FBXO34: variants seen among roughly 807,000 people sequenced by gnomAD.
The protein encoded by FBXO34 is F-box protein 34.
FBXO34 carries 12 observed loss-of-function variants against 24.5 expected under a neutral mutation model. The ratio of observed to expected loss-of-function variants is 0.49; its 90% CI spans 0.31 to 0.79. FBXO34 has a LOEUF of 0.79. Ranked by LOEUF, FBXO34 falls within the 30% of genes least tolerant of loss-of-function variation. FBXO34 has a pLI of 0.04. For missense variants in FBXO34, 823 were observed against 857.7 expected, an observed-to-expected ratio of 0.96 and a Z score of 0.51; for synonymous variants, 320 against 311.9, an observed-to-expected ratio of 1.03 and a Z score of -0.27.
At chr14:55,276,148 A>G (rs1881335605) in intron 1 of FBXO34, among the ~76,000 whole-genome samples, 1 of 152,214 alleles carries the variant, frequency 6.6e-6, no homozygotes. Flanking sequence ...ACTCTCAGGC[A>G]TGCATATACC....
exon 3 of FBXO34, chr14:55,367,614 G>C (rs1428453809): frequency 1.3e-5 from 2 of 152,176 alleles, no homozygotes; most frequent in Admixed American, 6.5e-5. Context: ...CATGATGGCA[G>C]GTGCCTATAA....
the FBXO34 span, among the ~76,000 whole-genome samples, chr14:55,421,468 T>G: frequency 6.6e-6 from 1 of 152,188 alleles, no homozygotes; most frequent in Non-Finnish European, 1.5e-5. Flanking sequence ...CACTTTGTTT[T>G]TAATTTTTTA....
intron 1 of FBXO34, chr14:55,272,216 T>C (rs1010741498): frequency 6.6e-6 from 1 of 152,120 alleles, no homozygotes; most frequent in African/African-American, 2.4e-5. Context: ...ACCCGCAGGG[T>C]AGAAAAAGGA....
chr14:55,280,323 C>G (rs1231969395), intron 1 of FBXO34, among the ~76,000 whole-genome samples: 1 of 152,072 alleles, frequency 6.6e-6, no homozygotes, highest in African/African-American at 2.4e-5. Context: ...CAACCAACCT[C>G]AGATGGAAAA....
At chr14:55,439,617 C>CCGCCCCCCG in the FBXO34 span, among the ~76,000 whole-genome samples, 4 of 72,628 alleles carry the variant, frequency 5.5e-5, 1 homozygote, top group African/African-American at 1.3e-4. Context: ...AAAGCAAACC[C>CCGCCCCCCG]CCCCCCGTCT....
Position 55,323,218 on chromosome 14 carries a change from A to AAAAT in FBXO34, c.-10-27162_-10-27161insAATA, listed in dbSNP as rs1566555819. On this transcript the variant is annotated intron_variant, in intron 1 of 1. Transcript: ENST00000313833. ...AAAAAAAAAAAAAAAAAAAAAAAAA[A>AAAAT]ATATATATTTTTTTTTTTTTTTTTT... is the stretch of plus-strand genomic sequence containing the variant. 1.7e-3 allele frequency among the ~76,000 whole-genome samples: 54 copies of AAAAT among 31,596 alleles called. 1 individual carries two copies. Among genetic ancestry groups the AAAAT allele is most frequent in the East Asian group, 3.6e-3 (3 of 824 alleles). The allele number at this position is 31,596 out of a possible 152,430, so 20.7% of individuals were successfully genotyped here. A position where few individuals can be genotyped will look rare whatever the true frequency, so the allele number is the denominator to read the frequency against.
the FBXO34 span, chr14:55,382,221 CAA>C: frequency 1.9e-6 from 3 of 1,607,124 alleles, no homozygotes; most frequent in South Asian, 1.1e-5. Context: ...CACGGATTTT[CAA>C]GAGAGAGGGT....
chr14:55,424,492 T>C, the FBXO34 span, among the ~76,000 whole-genome samples: 1 of 152,208 alleles, frequency 6.6e-6, no homozygotes, highest in South Asian at 2.1e-4. Context: ...CCTGGATGGT[T>C]ATTAGAAATC....
intron 1 of FBXO34, among the ~76,000 whole-genome samples, chr14:55,302,421 T>G (rs958316955): frequency 6.6e-6 from 1 of 151,940 alleles, no homozygotes; most frequent in Non-Finnish European, 1.5e-5. Context: ...AATAGCCTTG[T>G]TCTCATCAAG....
chr14:55,440,691 G>A, the FBXO34 span: 1 of 942,452 alleles, frequency 1.1e-6, no homozygotes, highest in East Asian at 2.9e-5. Flanking sequence ...GATGGGCTAG[G>A]GGTGGGCCGG....
downstream of FBXO34, chr14:55,366,291 A>G (rs938207190): frequency 9.2e-5 from 14 of 152,634 alleles, no homozygotes; most frequent in South Asian, 4.1e-4. Flanking sequence ...AACTTCTTCT[A>G]TAATTTGTAT....
chr14:55,428,682 C>G, the FBXO34 span: 2 of 1,044,906 alleles, frequency 1.9e-6, no homozygotes, highest in South Asian at 1.7e-5. Context: ...AATCTTTTCA[C>G]TATTGTGTCC....
At chr14:55,363,351 T>C (rs1057073482), downstream of FBXO34, among the ~76,000 whole-genome samples, 2 of 147,980 alleles carry the variant, frequency 1.4e-5, no homozygotes, top group African/African-American at 2.5e-5. Context: ...TTTTTTCAGA[T>C]AGAGTCTGCT....
chr14:55,361,406 G>A lies in FBXO34; in HGVS notation c.*589-327G>A, dbSNP rs555063736. Among the ~76,000 whole-genome samples, 5 of 152,312 alleles carry A rather than the reference G, an allele frequency of 3.3e-5. No individual in the cohort carries two copies. In the East Asian group the frequency reaches 5.8e-4, roughly 18 times the overall value. ...GATGTGTTGCTATGCAGGCTTTGTT[G>A]TTCCATTTACAGAGCACAGGAAGAG... On this transcript the variant is annotated intron_variant and NMD_transcript_variant, in intron 3 of 3. Transcript: ENST00000555280.
chr14:55,303,128 C>CTT (rs3084453), intron 1 of FBXO34, among the ~76,000 whole-genome samples: 1,702 of 147,804 alleles, frequency 0.012, 11 homozygotes, highest in Middle Eastern at 0.028. Flanking sequence ...CTTTACAGGC[C>CTT]TTTTTTTTTT....
chr14:55,385,882 G>C, the FBXO34 span: 1 of 1,611,832 alleles, frequency 6.2e-7, no homozygotes, highest in Admixed American at 1.7e-5. Context: ...TTACTTCCTC[G>C]ATTGGAAAAA....
chr14:55,300,647 A>C (rs1882320093), intron 1 of FBXO34, among the ~76,000 whole-genome samples: 1 of 152,160 alleles, frequency 6.6e-6, no homozygotes, highest in South Asian at 2.1e-4. Context: ...TCTGGATTTT[A>C]ATGATTACAT....
chr14:55,440,271 G>T, the FBXO34 span: 2 of 1,212,612 alleles, frequency 1.6e-6, no homozygotes, highest in Non-Finnish European at 2.3e-6. Flanking sequence ...TCAACTTAAT[G>T]ACTTGGGAAA....
chr14:55,359,764 AT>A (rs1446355546), intron 3 of FBXO34, among the ~76,000 whole-genome samples: 2 of 152,206 alleles, frequency 1.3e-5, no homozygotes, highest in East Asian at 3.9e-4. Flanking sequence ...CTCTGTTGTC[AT>A]TTCAATGATG....
Sources: gnomAD v4.1 joint callset for allele counts (sites outside exome capture counted in the v4.1 genomes callset) on GRCh38, gnomAD v4.1.1 for gene constraint, MANE v1.5 for transcripts, NCBI Gene and HGNC (gene_info 2026-07-23, HGNC 2026-07-21) for gene names.